Variants in AKAP13 observed in about 807,000 individuals in gnomAD.
The protein encoded by AKAP13 is A-kinase anchor protein 13.
In AKAP13, 80 loss-of-function variants were observed where a neutral mutation model predicts 264.5. That is an observed-to-expected ratio of 0.30 (90% CI 0.25 to 0.36). The LOEUF is 0.36. AKAP13 is among the 10% of genes least tolerant of loss of function. The pLI is 1.00. For synonymous variants in AKAP13, 1,380 were observed against 1,250.2 expected, an observed-to-expected ratio of 1.10 and a Z score of -2.19; for missense variants, 3,712 against 3,435.2, an observed-to-expected ratio of 1.08 and a Z score of -2.01.
At chr15:85,480,092 A>G (rs981240547) in intron 1 of AKAP13, among the ~76,000 whole-genome samples, 1 of 152,230 alleles carries the variant, frequency 6.6e-6, no homozygotes, top group Non-Finnish European at 1.5e-5. Flanking sequence ...TTGAATAGTT[A>G]CAATTAAGAA....
At chr15:85,504,535 A>AAAAAAAAG (rs2076144572) in intron 2 of AKAP13, among the ~76,000 whole-genome samples, 1 of 119,296 alleles carries the variant, frequency 8.4e-6, no homozygotes, top group South Asian at 2.7e-4. Flanking sequence ...AAAAAAAAAA[A>AAAAAAAAG]GAAAAAATTA....
At chr15:85,420,238 G>A (rs2072462604) in intron 1 of AKAP13, among the ~76,000 whole-genome samples, 1 of 151,756 alleles carries the variant, frequency 6.6e-6, no homozygotes, top group Non-Finnish European at 1.5e-5. Context: ...ACCGCGCCCG[G>A]CCTTTTTTTT....
intron 1 of AKAP13, among the ~76,000 whole-genome samples, chr15:85,395,378 G>C (rs541543640): frequency 6.6e-6 from 1 of 152,192 alleles, no homozygotes; most frequent in African/African-American, 2.4e-5. Context: ...GGTGGGATGA[G>C]TTGGCTGTGG....
intron 8 of AKAP13, among the ~76,000 whole-genome samples, chr15:85,625,688 C>T (rs1489388543): frequency 6.6e-6 from 1 of 152,096 alleles, no homozygotes; most frequent in Non-Finnish European, 1.5e-5. Context: ...CTAGCAAGAC[C>T]CCCATCGCTT....
At chr15:85,401,491 C>T (rs2071419351) in intron 1 of AKAP13, among the ~76,000 whole-genome samples, 1 of 152,166 alleles carries the variant, frequency 6.6e-6, no homozygotes, top group Non-Finnish European at 1.5e-5. Context: ...GTTACAACAG[C>T]ATTATTTGGG....
chr15:85,562,381 A>G (rs112160229), intron 5 of AKAP13, among the ~76,000 whole-genome samples: 1 of 151,574 alleles, frequency 6.6e-6, no homozygotes, highest in Non-Finnish European at 1.5e-5. Context: ...TCTGGCCAAC[A>G]TGGCGAAACC....
At chr15:85,462,914 C>T (rs1456853276) in intron 1 of AKAP13, among the ~76,000 whole-genome samples, 1 of 143,494 alleles carries the variant, frequency 7.0e-6, no homozygotes, top group Non-Finnish European at 1.5e-5. Context: ...GTCCCAGCTA[C>T]TTGGGAGGCT....
chr15:85,486,785 C>T (rs990047239), intron 2 of AKAP13, among the ~76,000 whole-genome samples: 2 of 136,454 alleles, frequency 1.5e-5, no homozygotes, highest in African/African-American at 5.5e-5. Context: ...GTTGCCCAGG[C>T]TGGAGTGCAG....
chr15:85,742,604 C>T (rs12908773), intron 35 of AKAP13, among the ~76,000 whole-genome samples: 69,749 of 152,102 alleles, frequency 0.46, 17,728 homozygotes, highest in Middle Eastern at 0.62. Context: ...TGAAAAACCT[C>T]TCTTTCTCTA....
At chr15:85,411,823 G>A (rs1310102985) in intron 1 of AKAP13, among the ~76,000 whole-genome samples, 1 of 152,182 alleles carries the variant, frequency 6.6e-6, no homozygotes, top group Non-Finnish European at 1.5e-5. Context: ...TGGTTATTTG[G>A]CAGATACCTT....
chr15:85,699,361 T>A (rs1276771706), intron 17 of AKAP13, among the ~76,000 whole-genome samples: 1 of 152,006 alleles, frequency 6.6e-6, no homozygotes, highest in Non-Finnish European at 1.5e-5. Flanking sequence ...GGAGAATCAC[T>A]TGAACCCAGG....
chr15:85,646,229 CT>C lies in AKAP13; in HGVS notation c.4374+278del, dbSNP rs375586715. Among the ~76,000 whole-genome samples, 879 of 152,288 alleles carry C rather than the reference CT, an allele frequency of 5.8e-3. 8 individuals are homozygous for C. Among genetic ancestry groups the C allele is most frequent in the African/African-American group, 0.02 (846 of 41,562 alleles). On this transcript the variant is annotated intron_variant, in intron 10 of 36. Transcript: ENST00000394518. ...GTGGCTCACGCCTGTAATCCCAACA[CT>C]TTGGGAGGCTGAGGTGGGCGGACCC... is the stretch of plus-strand genomic sequence containing the variant.
intron 33 of AKAP13, among the ~76,000 whole-genome samples, chr15:85,738,854 A>AG (rs1273789372): frequency 6.6e-6 from 1 of 151,872 alleles, no homozygotes; most frequent in East Asian, 1.9e-4. Flanking sequence ...CAAAAAAAAA[A>AG]AAAAAAAAAA....
intron 1 of AKAP13, among the ~76,000 whole-genome samples, chr15:85,484,962 A>G (rs1352847873): frequency 6.6e-6 from 1 of 152,186 alleles, no homozygotes; most frequent in Admixed American, 6.5e-5. Context: ...CTGACTCTTA[A>G]GAGATTGAGA....
intron 2 of AKAP13, among the ~76,000 whole-genome samples, chr15:85,520,505 A>T (rs1398992853): frequency 8.9e-6 from 1 of 112,272 alleles, no homozygotes. Flanking sequence ...TCTCAAAAAA[A>T]AAAAAAAAAA....
intron 2 of AKAP13, among the ~76,000 whole-genome samples, chr15:85,517,451 C>G (rs1216291320): frequency 6.6e-6 from 1 of 151,958 alleles, no homozygotes; most frequent in Non-Finnish European, 1.5e-5. Context: ...GATGTTGGGT[C>G]TTATGAAGTG....
chr15:85,718,015 A>G lies in AKAP13; in HGVS notation c.5857A>G (p.Thr1953Ala), dbSNP rs781356690. Residue 1953 changes from threonine to alanine, a missense_variant, in exon 22 of 37, where the codon ACA becomes GCA. Around this residue, in one of 3 missense-constraint regions of AKAP13, gnomAD observed 2,759 missense variants for 2,411.7 expected, o/e 1.14. Coordinates refer to ENST00000394518, the MANE Select transcript of AKAP13 (RefSeq NM_007200.5). The surrounding 1 kb of genome is among the most constrained non-coding windows in gnomAD (Gnocchi z 4.9). ...TTTTTTGATATATTGAGGAGTAGGT[A>G]CAGACATGAATGAAGGACAACTACT... is the stretch of plus-strand genomic sequence containing the variant. ...TESLTDEGVG[T>A]DMNEGQLLGD... 6.2e-6 allele frequency: 10 copies of G among 1,613,984 alleles called. No homozygotes were observed. The East Asian group carries it at 8.9e-5, about 14-fold the overall frequency.
At chr15:85,498,053 A>G (rs2075923301) in intron 2 of AKAP13, among the ~76,000 whole-genome samples, 1 of 152,016 alleles carries the variant, frequency 6.6e-6, no homozygotes, top group South Asian at 2.1e-4. Flanking sequence ...CAGAATGGCC[A>G]CTGAGGGTTT....
intron 1 of AKAP13, among the ~76,000 whole-genome samples, chr15:85,413,820 T>A (rs1388613656): frequency 6.6e-6 from 1 of 152,186 alleles, no homozygotes; most frequent in Non-Finnish European, 1.5e-5. Flanking sequence ...CGTGCCCTAC[T>A]AACTCAACTT....
Sources: allele counts gnomAD v4.1 joint callset (sites outside exome capture counted in the v4.1 genomes callset), GRCh38; gene constraint gnomAD v4.1.1; regional missense constraint gnomAD v4.1.1; non-coding constraint Gnocchi (gnomAD v3.1); transcripts MANE v1.5; gene names NCBI Gene and HGNC (gene_info 2026-07-23, HGNC 2026-07-21).